The following SLC39A14 variants were observed in gnomAD, a reference collection of about 807,000 sequenced individuals.
SLC39A14 encodes the protein metal cation symporter ZIP14.
SLC39A14 carries 19 observed loss-of-function variants against 45.5 expected under a neutral mutation model. That is an observed-to-expected ratio of 0.42 (90% CI 0.29 to 0.61). SLC39A14 has a LOEUF of 0.61. Ranked by LOEUF, SLC39A14 falls within the 20% of genes least tolerant of loss-of-function variation. The pLI is 0.22. For missense variants in SLC39A14, 447 were observed against 616.5 expected, an observed-to-expected ratio of 0.73 and a Z score of 2.91; for synonymous variants, 264 against 251.3, an observed-to-expected ratio of 1.05 and a Z score of -0.48.
chr8:22,392,152 G>A (rs536235808), intron 1 of SLC39A14, among the ~76,000 whole-genome samples: 2 of 152,266 alleles, frequency 1.3e-5, no homozygotes, highest in African/African-American at 2.4e-5. Flanking sequence ...GACCCAAGAC[G>A]GCTTCCTGGA....
intron 1 of SLC39A14, among the ~76,000 whole-genome samples, chr8:22,386,896 A>G (rs1047226327): frequency 5.3e-5 from 8 of 152,082 alleles, no homozygotes; most frequent in Admixed American, 2.6e-4. Context: ...TTGTCGGCCA[A>G]TCGTGGTGGC....
chr8:22,417,850 G>A lies in SLC39A14; in HGVS notation c.1332+15G>A, dbSNP rs899625491. On this transcript the variant is annotated intron_variant, in intron 8 of 8. Coordinates refer to ENST00000381237, the MANE Select transcript of SLC39A14 (RefSeq NM_001128431.4). ...TGGCTGATATGGTAAGTGTTCCACAGTTCACTGGATGAGAGGGCGGCTAAG... is the reference window on the plus strand; with the variant it reads ...TGGCTGATATGGTAAGTGTTCCACAATTCACTGGATGAGAGGGCGGCTAAG... The A allele has an allele frequency of 6.2e-7, 1 of 1,607,590 alleles. No homozygotes were observed. The highest frequency in any genetic ancestry group is 8.5e-7 in the Non-Finnish European group (1 of 1,176,248).
chr8:22,416,068 C>T lies in SLC39A14; in HGVS notation c.940-5C>T, dbSNP rs1319671254. The T allele has an allele frequency of 1.2e-6, 2 of 1,614,044 alleles. No individual in the cohort carries two copies. Among genetic ancestry groups the T allele is most frequent in the East Asian group, 2.2e-5 (1 of 44,862 alleles). On this transcript the variant is annotated splice_polypyrimidine_tract_variant and splice_region_variant and intron_variant, in intron 6 of 8. Coordinates refer to ENST00000381237, the MANE Select transcript of SLC39A14 (RefSeq NM_001128431.4). Reference sequence around the variant, plus strand: ...TGTGGGCCCTGGGGGTGTGCTTTCTCCTAGGACCTGCAGGCTTCCCAGAGT... The same window carrying T: ...TGTGGGCCCTGGGGGTGTGCTTTCTTCTAGGACCTGCAGGCTTCCCAGAGT...
rs1026923181 is a variant in SLC39A14 at position 22,367,919 on chromosome 8, C to T, written c.-16+511C>T. Among the ~76,000 whole-genome samples the T allele has an allele frequency of 3.9e-5, 6 of 152,174 alleles. No homozygotes were observed. Among genetic ancestry groups the T allele is most frequent in the African/African-American group, 1.4e-4 (6 of 41,464 alleles). On this transcript the variant is annotated intron_variant, in intron 1 of 8. Coordinates refer to ENST00000381237, the MANE Select transcript of SLC39A14 (RefSeq NM_001128431.4). This position sits in a 1 kb window ranked among gnomAD's most constrained non-coding sequence, Gnocchi z 4.2. ...CTGGCTTGCCCACGAGGATGGCTTT[C>T]TGGCTATTTTTGGTCCTTAATGACC...
At chr8:22,373,134 A>G (rs185598888) in intron 1 of SLC39A14, among the ~76,000 whole-genome samples, 4,715 of 151,848 alleles carry the variant, frequency 0.031, 242 homozygotes, top group African/African-American at 0.11. Flanking sequence ...GTGGTGGTGC[A>G]CGCCTGTAGT....
downstream of SLC39A14, among the ~76,000 whole-genome samples, chr8:22,427,481 G>A (rs1178484056): frequency 1.3e-5 from 2 of 151,476 alleles, no homozygotes; most frequent in Non-Finnish European, 1.5e-5. Flanking sequence ...TAAAATAAAG[G>A]ATTAGGTCTT....
downstream of SLC39A14, among the ~76,000 whole-genome samples, chr8:22,427,333 T>A (rs1410219610): frequency 6.6e-6 from 1 of 152,134 alleles, no homozygotes; most frequent in Non-Finnish European, 1.5e-5. Context: ...TTCCTGCGTT[T>A]GGCTAACATT....
rs1436209673 is a variant in SLC39A14, at chr8:22,422,242, G to A, written c.*2544G>A. 4 of 985,388 alleles carry A rather than the reference G, an allele frequency of 4.1e-6. No homozygotes were observed. The highest frequency in any genetic ancestry group is 6.2e-5 in the Admixed American group (1 of 16,258). 61.0% of individuals were successfully genotyped at this position (985,388 alleles called of 1,614,324 possible). On this transcript the variant is annotated 3_prime_UTR_variant, in exon 9 of 9. Transcript: ENST00000381237. ...AGTTAGCAAGGAAAGTGTATGTCACGTGCAGGAACAGTGAGGCAGGGACAG... is the reference window on the plus strand; with the variant it reads ...AGTTAGCAAGGAAAGTGTATGTCACATGCAGGAACAGTGAGGCAGGGACAG...
chr8:22,390,246 A>G (rs1833994337), intron 1 of SLC39A14: 1 of 151,622 alleles, frequency 6.6e-6, no homozygotes, highest in Admixed American at 6.6e-5. Flanking sequence ...CACCTTATAG[A>G]TTCCCTTGTA....
rs148337551 is a variant in SLC39A14, at chr8:22,399,616, G to A, written c.-15-5080G>A. On this transcript the variant is annotated intron_variant, in intron 1 of 8. Coordinates refer to ENST00000381237, the MANE Select transcript of SLC39A14 (RefSeq NM_001128431.4). ...ACACGTCCTGGAGGAAAGAGCAGCTGTGCTGCAGGGGAGAAAAGGTCACCT... is the reference window on the plus strand; with the variant it reads ...ACACGTCCTGGAGGAAAGAGCAGCTATGCTGCAGGGGAGAAAAGGTCACCT... Among the ~76,000 whole-genome samples, 30 of 152,354 alleles carry A rather than the reference G, an allele frequency of 2.0e-4. No homozygotes were observed. In the East Asian group the frequency reaches 5.4e-3, roughly 28 times the overall value.
chr8:22,408,341 A>G lies in SLC39A14; in HGVS notation c.302A>G (p.His101Arg). ...AGTTCTGGAGACCTCTTCACTGCCC[A>G]CAATTTCAGCGAGCAGTCGCGGATT... ...CFSSGDLFTA[H>R]NFSEQSRIGS... The change falls in exon 3 of 9, where the codon CAC (histidine) becomes CGC (arginine). Residue 101 changes from histidine to arginine, a missense_variant. His to Arg is a conservative substitution (Grantham distance 29). This residue lies in a region of SLC39A14 where 342 missense variants were observed against 428.1 expected (regional missense o/e 0.80). Transcript: ENST00000381237. The G allele has an allele frequency of 6.2e-7, 1 of 1,614,170 alleles. No individual in the cohort carries two copies. Among genetic ancestry groups the G allele is most frequent in the Non-Finnish European group, 8.5e-7 (1 of 1,180,020 alleles).
chr8:22,421,597 CTT>C lies in SLC39A14; in HGVS notation c.*1902_*1903del, dbSNP rs1836232323. 6.1e-6 allele frequency: 6 copies of C among 985,646 alleles called. No individual in the cohort carries two copies. The highest frequency in any genetic ancestry group is 7.2e-6 in the Non-Finnish European group (6 of 829,800). 61.1% of individuals were successfully genotyped at this position (985,646 alleles called of 1,614,324 possible). A position where few individuals can be genotyped will look rare whatever the true frequency, so the allele number is the denominator to read the frequency against. ...TTGTTGTTTTTAAACGGTTCTTTGT[CTT>C]TTCTGTTTTATTTTTCTCAAGCTGC... On this transcript the variant is annotated 3_prime_UTR_variant, in exon 9 of 9. Transcript: ENST00000381237.
chr8:22,417,478 C>G (rs1835956331), intron 7 of SLC39A14, among the ~76,000 whole-genome samples, 173 bp from the exon 8 acceptor site: 1 of 152,122 alleles, frequency 6.6e-6, no homozygotes, highest in Admixed American at 6.5e-5. Flanking sequence ...CTCTGTCTCC[C>G]ACGACCTTGT....
In SLC39A14 at chr8:22,420,137, C is replaced by T; in HGVS notation, c.*439C>T. The T allele has an allele frequency of 1.0e-6, 1 of 986,692 alleles. No homozygotes were observed. The highest frequency in any genetic ancestry group is 1.2e-6 in the Non-Finnish European group (1 of 830,884). The allele number at this position is 986,692 out of a possible 1,614,324, so 61.1% of individuals were successfully genotyped here. A position where few individuals can be genotyped will look rare whatever the true frequency, so the allele number is the denominator to read the frequency against. ...GGGGCCCATGACTCTAGCTGGGCAC[C>T]TTGGACCTCCAGCTGGCCAATAGAA... On this transcript the variant is annotated 3_prime_UTR_variant, in exon 9 of 9. Coordinates refer to ENST00000381237, the MANE Select transcript of SLC39A14 (RefSeq NM_001128431.4).
chr8:22,431,049 G>A (rs13275857), intron 8 of SLC39A14, among the ~76,000 whole-genome samples: 46,687 of 149,176 alleles, frequency 0.31, 7,540 homozygotes, highest in East Asian at 0.5. Flanking sequence ...GTGCAGTGGC[G>A]TGATCTCAGC....
chr8:22,399,073 C>G (rs922348482), intron 1 of SLC39A14, among the ~76,000 whole-genome samples: 5 of 152,220 alleles, frequency 3.3e-5, no homozygotes, highest in Non-Finnish European at 7.3e-5. Flanking sequence ...TTCGTTTTGT[C>G]TCCTTCCCAC....
At chr8:22,409,447 A>G (rs959804110) in intron 3 of SLC39A14, among the ~76,000 whole-genome samples, 1 of 151,558 alleles carries the variant, frequency 6.6e-6, no homozygotes, top group East Asian at 2.0e-4. Context: ...CGGTGGTGCA[A>G]TCTCGGCTCA....
In SLC39A14 at chr8:22,421,205, G is replaced by T; in HGVS notation, c.*1507G>T. 1.0e-6 allele frequency: 1 copy of T among 985,810 alleles called. No individual in the cohort carries two copies. Among genetic ancestry groups the T allele is most frequent in the South Asian group, 4.7e-5 (1 of 21,290 alleles). The allele number at this position is 985,810 out of a possible 1,614,324, so 61.1% of individuals were successfully genotyped here. ...GTTTGCAAACTGATTCATGTGCATG[G>T]CTGACAGGAGTACTGGTTCACTACC... On this transcript the variant is annotated 3_prime_UTR_variant, in exon 9 of 9. Transcript: ENST00000381237.
chr8:22,396,990 T>G (rs1219528176), intron 1 of SLC39A14, among the ~76,000 whole-genome samples: 8 of 150,948 alleles, frequency 5.3e-5, no homozygotes, highest in Admixed American at 5.2e-4. Context: ...AAAGTTCTAC[T>G]CATTTTGTTA....
Sources: allele counts gnomAD v4.1 joint callset (sites outside exome capture counted in the v4.1 genomes callset), GRCh38; gene constraint gnomAD v4.1.1; regional missense constraint gnomAD v4.1.1; non-coding constraint Gnocchi (gnomAD v3.1); transcripts MANE v1.5; gene names NCBI Gene and HGNC (gene_info 2026-07-23, HGNC 2026-07-21).